Variants in CRACDL observed in about 807,000 individuals in gnomAD.
CRACDL encodes the protein CRACD like.
In CRACDL, 26 loss-of-function variants were observed where a neutral mutation model predicts 70.6. The observed-to-expected ratio is 0.37, with a 90% CI of 0.27 to 0.51. The LOEUF is 0.51. CRACDL is among the 20% of genes least tolerant of loss of function. CRACDL has a pLI of 0.94. For missense variants in CRACDL, 1,283 were observed against 1,376.9 expected (o/e 0.93, Z 1.08); for synonymous variants, 618 against 615.2 (o/e 1.00, Z -0.07).
intron 1 of CRACDL, among the ~76,000 whole-genome samples, chr2:98,856,815 G>A (rs1294698894): frequency 1.3e-5 from 2 of 152,210 alleles, no homozygotes; most frequent in Non-Finnish European, 2.9e-5. Flanking sequence ...ACCAGTGTGA[G>A]AAGGATGGTC....
chr2:98,866,358 A>G (rs1707139261), intron 1 of CRACDL, among the ~76,000 whole-genome samples: 1 of 152,152 alleles, frequency 6.6e-6, no homozygotes, highest in Admixed American at 6.5e-5. Context: ...TGTCACCAGC[A>G]TAGAACAGCT....
At chr2:98,899,935 G>A (rs1406216972) in intron 1 of CRACDL, among the ~76,000 whole-genome samples, 5 of 143,550 alleles carry the variant, frequency 3.5e-5, no homozygotes, top group African/African-American at 8.0e-5. Flanking sequence ...CAGAGGCTCA[G>A]TAGGAGGGGA....
intron 1 of CRACDL, among the ~76,000 whole-genome samples, chr2:98,857,498 T>C (rs987572983): frequency 1.3e-5 from 2 of 152,160 alleles, no homozygotes; most frequent in South Asian, 2.1e-4. Flanking sequence ...CTTAAATTGA[T>C]TCTGATATAT....
At chr2:98,836,910 G>A (rs964543589) in intron 3 of CRACDL, among the ~76,000 whole-genome samples, 14 of 151,956 alleles carry the variant, frequency 9.2e-5, no homozygotes, top group Middle Eastern at 6.8e-3. Flanking sequence ...GTGAAATCCC[G>A]TCTCTGCTGA....
intron 5 of CRACDL, among the ~76,000 whole-genome samples, chr2:98,827,853 G>A (rs1705373566): frequency 6.6e-6 from 1 of 152,214 alleles, no homozygotes; most frequent in Non-Finnish European, 1.5e-5. Context: ...TCTGGAAGCT[G>A]AGGGGAAGGT....
chr2:98,822,463 C>T lies in CRACDL; in HGVS notation c.1810G>A (p.Gly604Ser), dbSNP rs1705100998. 4.7e-6 allele frequency: 7 copies of T among 1,476,728 alleles called. No individual in the cohort carries two copies. Among genetic ancestry groups the T allele is most frequent in the Non-Finnish European group, 6.2e-6 (7 of 1,121,890 alleles). 91.5% of individuals were successfully genotyped at this position (1,476,728 alleles called of 1,614,324 possible). A position where few individuals can be genotyped will look rare whatever the true frequency, so the allele number is the denominator to read the frequency against. ...GCCGCCTCGCTCCTCCAGACCGGGCCGCTCCTCGCGAGGGGCAGGCGGCCG... is the reference window on the plus strand; with the variant it reads ...GCCGCCTCGCTCCTCCAGACCGGGCTGCTCCTCGCGAGGGGCAGGCGGCCG... ...ASGRLPLARS[G>S]PVWRSEAALD... The change falls in exon 7 of 10, where the codon GGC (glycine) becomes AGC (serine). Residue 604 changes from glycine (G) to serine (S), a missense_variant. Around this residue, in one of 2 missense-constraint regions of CRACDL, gnomAD observed 921 missense variants for 881.9 expected, o/e 1.04. Coordinates refer to ENST00000397899, the MANE Select transcript of CRACDL (RefSeq NM_207362.3). This position sits in a 1 kb window ranked among gnomAD's most constrained non-coding sequence, Gnocchi z 4.9.
intron 7 of CRACDL, among the ~76,000 whole-genome samples, chr2:98,811,178 G>A (rs970641899): frequency 1.3e-5 from 2 of 152,074 alleles, no homozygotes; most frequent in South Asian, 2.1e-4. Flanking sequence ...GGTTCAGAAA[G>A]GGGTGGGCAG....
chr2:98,849,323 C>T (rs72811092), intron 1 of CRACDL, among the ~76,000 whole-genome samples: 6,189 of 152,256 alleles, frequency 0.041, 148 homozygotes, highest in Middle Eastern at 0.078. Flanking sequence ...CATGATGTTA[C>T]GCAACACATC....
chr2:98,927,733 C>G (rs964906894), intron 1 of CRACDL, among the ~76,000 whole-genome samples: 3 of 152,192 alleles, frequency 2.0e-5, no homozygotes, highest in African/African-American at 7.2e-5. Flanking sequence ...GGTTGAAAAT[C>G]ACTTAATTAA....
chr2:98,834,890 A>G (rs1259175501), intron 3 of CRACDL, among the ~76,000 whole-genome samples: 1 of 152,242 alleles, frequency 6.6e-6, no homozygotes, highest in Non-Finnish European at 1.5e-5. Context: ...AACCAAAGAT[A>G]TCAAATTGCA....
intron 2 of CRACDL, among the ~76,000 whole-genome samples, chr2:98,845,459 T>G (rs1559230379): frequency 6.6e-6 from 1 of 152,134 alleles, no homozygotes; most frequent in Admixed American, 6.6e-5. Context: ...CCTCTCAGAG[T>G]GCTGGGATTA....
intron 5 of CRACDL, 41 bp downstream of exon 5, chr2:98,832,307 A>T: frequency 6.2e-7 from 1 of 1,608,542 alleles, no homozygotes; most frequent in Non-Finnish European, 8.5e-7. Flanking sequence ...CCTCCAGGGC[A>T]GGTGTGGATG....
At chr2:98,862,300 A>G (rs935539564) in intron 1 of CRACDL, among the ~76,000 whole-genome samples, 4 of 152,032 alleles carry the variant, frequency 2.6e-5, no homozygotes, top group Non-Finnish European at 4.4e-5. Flanking sequence ...AAACCAGCAA[A>G]CCCTGGGAAA....
At chr2:98,839,787 A>T (rs1705941468) in intron 2 of CRACDL, among the ~76,000 whole-genome samples, 1 of 152,112 alleles carries the variant, frequency 6.6e-6, no homozygotes, top group Non-Finnish European at 1.5e-5. Flanking sequence ...CAAATTTTCA[A>T]ATGTATTGGC....
At position 98,869,288 on chromosome 2, in the gene CRACDL, A is replaced by C. The variant is rs563238660; in HGVS notation, c.-10-22478T>G. The C allele has an allele frequency of 1.7e-5, 21 of 1,215,150 alleles. 1 individual carries two copies. In the South Asian group the frequency reaches 2.9e-4, roughly 17 times the overall value. 75.3% of individuals were successfully genotyped at this position (1,215,150 alleles called of 1,614,324 possible). A position where few individuals can be genotyped will look rare whatever the true frequency, so the allele number is the denominator to read the frequency against. On this transcript the variant is annotated intron_variant, in intron 1 of 9. Transcript: ENST00000397899. ...ACAGAAGTACCCGTGCGCCAGGAGG[A>C]AGTGGGGCTTCTGCCAAGCCCAGCC...
chr2:98,904,463 G>A (rs565636896), intron 1 of CRACDL, among the ~76,000 whole-genome samples: 1 of 152,174 alleles, frequency 6.6e-6, no homozygotes, highest in South Asian at 2.1e-4. Context: ...AATGGCCTTG[G>A]GAAACCCACG....
chr2:98,825,953 A>G (rs1705283923), intron 6 of CRACDL, among the ~76,000 whole-genome samples: 1 of 152,172 alleles, frequency 6.6e-6, no homozygotes, highest in Non-Finnish European at 1.5e-5. Flanking sequence ...TGCCCTGGGT[A>G]CTTCACCAAC....
At chr2:98,864,713 AT>A in intron 1 of CRACDL, among the ~76,000 whole-genome samples, 1 of 152,094 alleles carries the variant, frequency 6.6e-6, no homozygotes, top group East Asian at 1.9e-4. Flanking sequence ...TGCCTGGCTA[AT>A]TTTTGCATTT....
Position 98,794,211 on chromosome 2 carries a change from CA to C in CRACDL, c.*320del, listed in dbSNP as rs918410558. On this transcript the variant is annotated 3_prime_UTR_variant, in exon 10 of 10. Transcript: ENST00000397899. ...TTGCTGGGTGTCCTATTTATGTGTC[CA>C]ATTTCATTTCTATTTTCTTCCTTGT... The C allele has an allele frequency of 5.2e-5, 11 of 213,190 alleles. No individual in the cohort carries two copies. The highest frequency in any genetic ancestry group is 2.6e-4 in the African/African-American group (11 of 43,120). The allele number at this position is 213,190 out of a possible 1,614,324, so 13.2% of individuals were successfully genotyped here.
Sources: allele counts gnomAD v4.1 joint callset (sites outside exome capture counted in the v4.1 genomes callset), GRCh38; gene constraint gnomAD v4.1.1; regional missense constraint gnomAD v4.1.1; non-coding constraint Gnocchi (gnomAD v3.1); transcripts MANE v1.5; gene names NCBI Gene and HGNC (gene_info 2026-07-23, HGNC 2026-07-21).